The following UBE2D3 variants were observed in gnomAD, a reference collection of about 807,000 sequenced individuals.
UBE2D3 encodes the protein ubiquitin-conjugating enzyme E2 D3.
Under a neutral mutation model 22.8 loss-of-function variants are expected in UBE2D3, and 2 were observed. The observed-to-expected ratio is 0.09, with a 90% CI of 0.04 to 0.28. UBE2D3 has a LOEUF of 0.28. UBE2D3 is among the 10% of genes least tolerant of loss of function. The probability of loss-of-function intolerance (pLI) is 1.00; values close to 1 mark genes in which losing one functional copy is unlikely to be tolerated. For synonymous variants in UBE2D3, 56 were observed against 60.4 expected (o/e 0.93, Z 0.34); for missense variants, 27 against 182.5 (o/e 0.15, Z 4.91).
At chr4:102,868,866 G>T in exon 1 of UBE2D3, 1 of 1,519,188 alleles carries the variant, frequency 6.6e-7, no homozygotes, top group Non-Finnish European at 9.0e-7. Flanking sequence ...CTCGCTACCC[G>T]CCAGTTCCCG....
intron 2 of UBE2D3, chr4:102,810,901 C>T (rs559666700): frequency 2.0e-5 from 3 of 152,072 alleles, no homozygotes; most frequent in African/African-American, 7.2e-5. Flanking sequence ...TACATTACTG[C>T]CTTCAACATT....
intron 1 of UBE2D3, among the ~76,000 whole-genome samples, chr4:102,839,764 A>G (rs1420444355): frequency 6.6e-6 from 1 of 152,234 alleles, no homozygotes; most frequent in Non-Finnish European, 1.5e-5. Flanking sequence ...TAAGACCTCA[A>G]AAGCACAAAC....
At chr4:102,866,080 A>T (rs1294837894) in intron 1 of UBE2D3, among the ~76,000 whole-genome samples, 1 of 152,270 alleles carries the variant, frequency 6.6e-6, no homozygotes, top group Non-Finnish European at 1.5e-5. Flanking sequence ...TGAAAACAGG[A>T]TTTAAATTTT....
chr4:102,835,251 T>G (rs955536646), intron 1 of UBE2D3, among the ~76,000 whole-genome samples: 1 of 152,228 alleles, frequency 6.6e-6, no homozygotes, highest in African/African-American at 2.4e-5. Context: ...ATACATACTT[T>G]TTTCTTGTTA....
intron 1 of UBE2D3, among the ~76,000 whole-genome samples, chr4:102,856,375 A>T (rs1235592326): frequency 6.6e-6 from 1 of 152,220 alleles, no homozygotes; most frequent in Non-Finnish European, 1.5e-5. Context: ...AAAAATAATA[A>T]TGAATAAAAA....
chr4:102,804,714 C>T (rs1390003478), intron 4 of UBE2D3, among the ~76,000 whole-genome samples: 2 of 152,094 alleles, frequency 1.3e-5, no homozygotes, highest in Non-Finnish European at 2.9e-5. Flanking sequence ...TGCTCTGTCG[C>T]CCAGACTGGA....
chr4:102,811,693 A>C, intron 2 of UBE2D3: 1 of 394,360 alleles, frequency 2.5e-6, no homozygotes, highest in Non-Finnish European at 4.9e-6. Context: ...AAAAAACCCC[A>C]GAAAAGCTGA....
At position 102,858,254 on chromosome 4, in the gene UBE2D3, TATC is replaced by T. The variant is rs931653352; in HGVS notation, c.-129+10458_-129+10460del. Among the ~76,000 whole-genome samples, 10 of 152,134 alleles carry T rather than the reference TATC, an allele frequency of 6.6e-5. No individual in the cohort carries two copies. The Middle Eastern group carries it at 0.01, about 155-fold the overall frequency. ...TGGCTATTTTATTAAAATAGTGTGTTATCATACAGCTCAAAATGCTGATAAGAT... is the reference window on the plus strand; with the variant it reads ...TGGCTATTTTATTAAAATAGTGTGTTATACAGCTCAAAATGCTGATAAGAT... On this transcript the variant is annotated intron_variant, in intron 1 of 7. Coordinates refer to the UBE2D3 transcript ENST00000338145.
chr4:102,843,658 C>T (rs1254098394), intron 1 of UBE2D3: 1 of 118,588 alleles, frequency 8.4e-6, no homozygotes, highest in Non-Finnish European at 1.7e-5. Context: ...GGCCATTGGA[C>T]CCCTAGAAAC....
intron 2 of UBE2D3, chr4:102,825,152 T>C: frequency 1.4e-6 from 1 of 729,456 alleles, no homozygotes; most frequent in Non-Finnish European, 1.7e-6. Flanking sequence ...GTATCAGGTC[T>C]ATTTTAGTAA....
intron 1 of UBE2D3, among the ~76,000 whole-genome samples, chr4:102,867,975 C>T (rs1733234653): frequency 6.6e-6 from 1 of 151,964 alleles, no homozygotes; most frequent in Non-Finnish European, 1.5e-5. Flanking sequence ...GACAATTCTT[C>T]TTCCAGTGTG....
At chr4:102,848,438 A>T (rs1732158739) in intron 1 of UBE2D3, among the ~76,000 whole-genome samples, 1 of 152,158 alleles carries the variant, frequency 6.6e-6, no homozygotes, top group Non-Finnish European at 1.5e-5. Flanking sequence ...TGAGGTCAGG[A>T]GTTCAAGACC....
At chr4:102,866,801 C>A (rs879286666) in intron 1 of UBE2D3, among the ~76,000 whole-genome samples, 1 of 152,094 alleles carries the variant, frequency 6.6e-6, no homozygotes, top group Non-Finnish European at 1.5e-5. Flanking sequence ...TGGCCTTTTC[C>A]AGATTTTCTT....
intron 2 of UBE2D3, among the ~76,000 whole-genome samples, chr4:102,823,703 C>T (rs1729989595): frequency 6.6e-6 from 1 of 152,108 alleles, no homozygotes; most frequent in Non-Finnish European, 1.5e-5. Flanking sequence ...CTATTTAAGA[C>T]CATATTACAG....
In UBE2D3 at chr4:102,865,330, A is replaced by G. The variant is rs78802216; in HGVS notation, c.-129+3385T>C. Among the ~76,000 whole-genome samples, 3 of 152,020 alleles carry G rather than the reference A, an allele frequency of 2.0e-5. No homozygotes were observed. In the East Asian group the frequency reaches 5.8e-4, roughly 29 times the overall value. ...AATATGGTGAAACCTCGTCTCTACT[A>G]AAAATACAAAAATTAGCCGGGAGTG... On this transcript the variant is annotated intron_variant, in intron 1 of 7. Coordinates refer to the UBE2D3 transcript ENST00000338145.
At chr4:102,807,288 A>C (rs1727215813) in intron 4 of UBE2D3, among the ~76,000 whole-genome samples, 1 of 152,238 alleles carries the variant, frequency 6.6e-6, no homozygotes, top group Non-Finnish European at 1.5e-5. Context: ...GCTTTGTCAC[A>C]AAGAAGTATT....
At chr4:102,819,625 G>A (rs1729275537) in intron 2 of UBE2D3, 2 of 985,092 alleles carry the variant, frequency 2.0e-6, no homozygotes, top group African/African-American at 1.7e-5. Flanking sequence ...ATCCCCCCAA[G>A]GCTTGTCAAA....
At chr4:102,838,127 T>C (rs1178237516) in intron 1 of UBE2D3, among the ~76,000 whole-genome samples, 1 of 152,096 alleles carries the variant, frequency 6.6e-6, no homozygotes, top group Non-Finnish European at 1.5e-5. Context: ...CAAAAAAAAC[T>C]GTGTACACTT....
chr4:102,796,270 T>C lies in UBE2D3; in HGVS notation c.*1145A>G, dbSNP rs566244678. On this transcript the variant is annotated 3_prime_UTR_variant, in exon 8 of 8. Coordinates refer to ENST00000453744, the MANE Select transcript of UBE2D3 (RefSeq NM_181891.3). ...GGCTGCACCTGGAAAATAAATTTCT[T>C]AAACTCCATAAACACATTTCAAAAC... The C allele has an allele frequency of 1.3e-5, 2 of 152,518 alleles. No homozygotes were observed. Among genetic ancestry groups the C allele is most frequent in the African/African-American group, 4.8e-5 (2 of 41,540 alleles). The allele number at this position is 152,518 out of a possible 1,614,324, so 9.4% of individuals were successfully genotyped here.
Sources: gnomAD v4.1 joint callset for allele counts (sites outside exome capture counted in the v4.1 genomes callset) on GRCh38, gnomAD v4.1.1 for gene constraint, MANE v1.5 for transcripts, NCBI Gene and HGNC (gene_info 2026-07-23, HGNC 2026-07-21) for gene names.